HYDIN: variants seen among roughly 807,000 people sequenced by gnomAD.
HYDIN encodes axonemal central pair apparatus protein HYDIN.
In HYDIN, 132 loss-of-function variants were observed where a neutral mutation model predicts 403.9. The ratio of observed to expected loss-of-function variants is 0.33; its 90% CI spans 0.28 to 0.38. The LOEUF (loss-of-function observed/expected upper bound fraction) is 0.38. HYDIN is among the 10% of genes least tolerant of loss of function. HYDIN has a pLI of 1.00. For missense variants in HYDIN, 2,827 were observed against 5,009.5 expected (o/e 0.56, Z 13.15); for synonymous variants, 1,202 against 1,891.7 (o/e 0.64, Z 9.46).
At chr16:71,186,717 A>C in intron 2 of HYDIN, 44 bp downstream of exon 2, 1 of 1,496,490 alleles carries the variant, frequency 6.7e-7, no homozygotes, top group Non-Finnish European at 9.2e-7. Context: ...TCTCCTAAGG[A>C]GATTGCATTA....
intron 59 of HYDIN, 80 bp downstream of exon 59, chr16:70,883,840 G>C: frequency 6.6e-7 from 1 of 1,522,718 alleles, no homozygotes; most frequent in African/African-American, 1.4e-5. Flanking sequence ...CAAAGTGCTG[G>C]GATCACAAGC....
chr16:70,938,568 G>A (rs1241094091), intron 44 of HYDIN, 46 bp downstream of exon 44: 15 of 1,307,802 alleles, frequency 1.1e-5, no homozygotes, highest in African/African-American at 2.8e-5. Context: ...CTGTGGGGAC[G>A]GTCCCGGGGG....
chr16:70,909,227 A>T (rs1343521922), intron 47 of HYDIN, among the ~76,000 whole-genome samples: 1 of 151,894 alleles, frequency 6.6e-6, no homozygotes, highest in Non-Finnish European at 1.5e-5. Flanking sequence ...TATACCCCTC[A>T]CCACCAGCTC....
chr16:71,166,058 G>A (rs557916734), intron 5 of HYDIN, among the ~76,000 whole-genome samples: 3 of 149,002 alleles, frequency 2.0e-5, no homozygotes, highest in South Asian at 2.2e-4. Context: ...GGACTGCAGC[G>A]GGAAGAGGGA....
At chr16:71,081,414 G>T (rs2082781875) in intron 12 of HYDIN, among the ~76,000 whole-genome samples, 2 of 151,382 alleles carry the variant, frequency 1.3e-5, no homozygotes. Flanking sequence ...ACTCAGCCAG[G>T]AATTGGGATC....
At chr16:70,941,480 T>G in intron 43 of HYDIN, 156 bp downstream of exon 43, 2 of 472,204 alleles carry the variant, frequency 4.2e-6, no homozygotes. Context: ...AAAGCGTTCA[T>G]CATAGAACTT....
chr16:70,826,661 T>C (rs2036608412), intron 83 of HYDIN, among the ~76,000 whole-genome samples: 1 of 148,184 alleles, frequency 6.7e-6, no homozygotes, highest in African/African-American at 2.6e-5. Context: ...TATTCAGTTA[T>C]TGTAGAAAAG....
Position 71,178,916 on chromosome 16 carries a change from G to T in HYDIN, c.381+12C>A. ...CCTGGAACAGTTCACCCACCCCAGT[G>T]AACATACTCACTTTGTCATTGTTCC... On this transcript the variant is annotated intron_variant, in intron 4 of 85. Transcript: ENST00000393567. 6.2e-7 allele frequency: 1 copy of T among 1,607,776 alleles called. No individual in the cohort carries two copies. Among genetic ancestry groups the T allele is most frequent in the South Asian group, 1.1e-5 (1 of 89,948 alleles).
chr16:70,916,466 C>G (rs1429794193), intron 47 of HYDIN, among the ~76,000 whole-genome samples: 3 of 152,122 alleles, frequency 2.0e-5, no homozygotes, highest in African/African-American at 4.8e-5. Context: ...TTTCCCACTT[C>G]TGCAGTTTGG....
At chr16:71,212,487 G>A (rs775038588) in intron 1 of HYDIN, among the ~76,000 whole-genome samples, 1 of 151,952 alleles carries the variant, frequency 6.6e-6, no homozygotes. Flanking sequence ...AATGTTATAG[G>A]GGTAAGTTGT....
intron 71 of HYDIN, among the ~76,000 whole-genome samples, chr16:70,858,787 T>A (rs1429850554): frequency 2.6e-5 from 4 of 152,182 alleles, no homozygotes; most frequent in African/African-American, 9.7e-5. Flanking sequence ...TTGAAACATT[T>A]CTGGGCTGAA....
At chr16:70,820,426 G>A (rs6499339) in intron 83 of HYDIN, among the ~76,000 whole-genome samples, 2 of 148,994 alleles carry the variant, frequency 1.3e-5, no homozygotes, top group African/African-American at 2.5e-5. Context: ...TGATCTGCTC[G>A]CCTCGGCCTC....
In HYDIN at chr16:70,892,489, T is replaced by C; in HGVS notation, c.9289A>G (p.Asn3097Asp). Residue 3097 changes from asparagine (N) to aspartate (D), a missense_variant, in exon 56 of 86, where the codon AAT becomes GAT. Physicochemically the swap from Asn to Asp is conservative, Grantham distance 23. Transcript: ENST00000393567. The stretch of plus-strand genomic sequence containing the variant: ...TTGGGTTGGACTGAGATCATGGAAT[T>C]TATATTAGGTGTTGAAATCCCTACA... ...DSVGISTPNI[N>D]SMISVQPKKG... 6.2e-7 allele frequency: 1 copy of C among 1,603,418 alleles called. No individual in the cohort carries two copies. Among genetic ancestry groups the C allele is most frequent in the Non-Finnish European group, 8.5e-7 (1 of 1,175,982 alleles).
chr16:70,810,831 C>CA (rs139644196), intron 84 of HYDIN, among the ~76,000 whole-genome samples: 6,344 of 143,514 alleles, frequency 0.044, 431 homozygotes, highest in African/African-American at 0.14. Flanking sequence ...GACTCCGTCT[C>CA]AAAAAAAAAA....
intron 80 of HYDIN, among the ~76,000 whole-genome samples, 187 bp downstream of exon 80, chr16:70,832,661 A>G (rs1283315489): frequency 5.9e-5 from 9 of 152,302 alleles, no homozygotes; most frequent in African/African-American, 2.2e-4. Flanking sequence ...GTTTCAGATG[A>G]GAGCTGAAGA....
intron 45 of HYDIN, among the ~76,000 whole-genome samples, chr16:70,925,600 A>AT (rs2077128627): frequency 6.6e-6 from 1 of 152,082 alleles, no homozygotes; most frequent in South Asian, 2.1e-4. Context: ...AAAAGACAAA[A>AT]TTGACAAATG....
chr16:71,175,087 T>C (rs1004749819), intron 5 of HYDIN, among the ~76,000 whole-genome samples: 2 of 149,326 alleles, frequency 1.3e-5, no homozygotes, highest in African/African-American at 4.9e-5. Flanking sequence ...ACCACCACCA[T>C]CTACACCACC....
chr16:70,962,459 A>C (rs553416430), intron 37 of HYDIN, among the ~76,000 whole-genome samples: 1 of 152,352 alleles, frequency 6.6e-6, no homozygotes, highest in Admixed American at 6.5e-5. Flanking sequence ...AGAAATAGTG[A>C]CAGAGAAATT....
At chr16:70,997,358 T>C (rs1038154273) in intron 23 of HYDIN, among the ~76,000 whole-genome samples, 3 of 139,846 alleles carry the variant, frequency 2.1e-5, no homozygotes, top group Non-Finnish European at 4.6e-5. Flanking sequence ...AGGGAAGAAG[T>C]CTGTTGTGGG....
Sources: allele counts gnomAD v4.1 joint callset (sites outside exome capture counted in the v4.1 genomes callset), GRCh38; gene constraint gnomAD v4.1.1; transcripts MANE v1.5; gene names NCBI Gene and HGNC (gene_info 2026-07-23, HGNC 2026-07-21).